The following PLCD3 variants were observed in gnomAD, a reference collection of about 807,000 sequenced individuals.
PLCD3 encodes 1-phosphatidylinositol 4,5-bisphosphate phosphodiesterase delta-3.
PLCD3 carries 62 observed loss-of-function variants against 82.8 expected under a neutral mutation model. The observed-to-expected ratio is 0.75, with a 90% CI of 0.61 to 0.93. PLCD3 has a LOEUF of 0.93. Among genes scored for constraint, PLCD3 ranks in the 40% least tolerant of loss-of-function variants. PLCD3 has a pLI of 0.00. For missense variants in PLCD3, 1,023 were observed against 1,103.4 expected (o/e 0.93, Z 1.03); for synonymous variants, 478 against 471.8 (o/e 1.01, Z -0.17).
Position 45,118,295 on chromosome 17 carries a change from C to A in PLCD3, c.1111G>T (p.Val371Phe). 6.2e-7 allele frequency: 1 copy of A among 1,614,024 alleles called. No individual in the cohort carries two copies. Among genetic ancestry groups the A allele is most frequent in the Non-Finnish European group, 8.5e-7 (1 of 1,179,882 alleles). The change falls in exon 6 of 15, where the codon GTT (valine) becomes TTT (phenylalanine). Residue 371 changes from valine to phenylalanine, a missense_variant. Physicochemically the swap from Val to Phe is conservative, Grantham distance 50. Around this residue, in one of 3 missense-constraint regions of PLCD3, gnomAD observed 553 missense variants for 655.7 expected, o/e 0.84. Coordinates refer to ENST00000619929, the MANE Select transcript of PLCD3 (RefSeq NM_133373.5). This position sits in a 1 kb window ranked among gnomAD's most constrained non-coding sequence, Gnocchi z 4.1. ...IGGPSSTEAY[V>F]RAFAQGCRCV... The stretch of plus-strand genomic sequence containing the variant: ...ATTCACCCCCTGCTACAGTACCTAA[C>A]ATAGGCCTCGGTGCTGCTGGGCCCC...
Position 45,113,152 on chromosome 17 carries a change from G to A in PLCD3, c.2101C>T (p.Arg701Trp), listed in dbSNP as rs199969264. The A allele has an allele frequency of 7.5e-5, 121 of 1,613,194 alleles. No individual in the cohort carries two copies. The highest frequency in any genetic ancestry group is 8.9e-5 in the East Asian group (4 of 44,858). The change falls in exon 13 of 15, where the codon CGG becomes TGG. Residue 701 changes from arginine (R) to tryptophan (W), a missense_variant. By Grantham distance (101) the Arg-to-Trp change is moderately radical. Transcript: ENST00000619929. ...EIHGVPADCA[R>W]QETDYVLNNG... ...TTGAGCACGTAGTCAGTCTCCTGCC[G>A]GGCACAGTCTGCGGGCACCCCATGG...
rs374448727 is a variant in PLCD3 at position 45,124,509 on chromosome 17, C to T, written c.164-3137G>A. 1.2e-4 allele frequency among the ~76,000 whole-genome samples: 19 copies of T among 152,334 alleles called. No individual in the cohort carries two copies. In the East Asian group the frequency reaches 2.1e-3, roughly 17 times the overall value. On this transcript the variant is annotated intron_variant, in intron 1 of 14. Transcript: ENST00000619929. ...GTCCCTGGTTGGGTGCTTCTGTGTC[C>T]CCACTGCTCGTGCTTCTGAACCCTG...
At position 45,116,675 on chromosome 17, in the gene PLCD3, T is replaced by C. The variant is rs2054294281; in HGVS notation, c.1370A>G (p.Gln457Arg). ...CTILGDMLVT[Q>R]ALDSPNPEEL... ...CTCGGGATTTGGGGAGTCCAGCGCC[T>C]GTGTCACCAGCATGTCCCCCAGGAT... Residue 457 changes from glutamine (Q) to arginine (R), a missense_variant, in exon 8 of 15, where the codon CAG becomes CGG. Gln to Arg is a conservative substitution (Grantham distance 43). This residue lies in a region of PLCD3 where 553 missense variants were observed against 655.7 expected (regional missense o/e 0.84). Transcript: ENST00000619929. 2 of 1,609,486 alleles carry C rather than the reference T, an allele frequency of 1.2e-6. No homozygotes were observed. Among genetic ancestry groups the C allele is most frequent in the Non-Finnish European group, 1.7e-6 (2 of 1,177,418 alleles).
At chr17:45,130,633 C>T (rs2054412851) in intron 1 of PLCD3, among the ~76,000 whole-genome samples, 1 of 152,190 alleles carries the variant, frequency 6.6e-6, no homozygotes, top group Non-Finnish European at 1.5e-5. Context: ...TCCTGGGTGT[C>T]CCCCAAGTCT....
At position 45,132,388 on chromosome 17, in the gene PLCD3, C is replaced by A; in HGVS notation, c.23G>T (p.Arg8Leu). 1 of 1,225,078 alleles carries A rather than the reference C, an allele frequency of 8.2e-7. No individual in the cohort carries two copies. The highest frequency in any genetic ancestry group is 1.0e-6 in the Non-Finnish European group (1 of 983,654). 75.9% of individuals were successfully genotyped at this position (1,225,078 alleles called of 1,614,324 possible). The change falls in exon 1 of 15, where the codon CGT becomes CTT. Residue 8 changes from arginine (R) to leucine (L), a missense_variant. By Grantham distance (102) the Arg-to-Leu change is moderately radical (BLOSUM62 -2). Coordinates refer to ENST00000619929, the MANE Select transcript of PLCD3 (RefSeq NM_133373.5). The surrounding 1 kb of genome is among the most constrained non-coding windows in gnomAD (Gnocchi z 4.6). ...GGGCTCCTCGGGCGGGCGGCGGCAA[C>A]GCCTCCAGCGGCCGCACAGCATGGC... MLCGRWR[R>L]CRRPPEEPPV...
intron 1 of PLCD3, among the ~76,000 whole-genome samples, chr17:45,121,939 A>T (rs2054344194): frequency 6.7e-6 from 1 of 150,098 alleles, no homozygotes; most frequent in South Asian, 2.1e-4. Flanking sequence ...CCTAAGCGAC[A>T]GAGTGAGACT....
At chr17:45,114,914 G>T (rs538297866) in intron 10 of PLCD3, among the ~76,000 whole-genome samples, 180 bp downstream of exon 10, 16 of 151,984 alleles carry the variant, frequency 1.1e-4, no homozygotes, top group Non-Finnish European at 1.5e-4. Context: ...CGCCCTCAGC[G>T]TGCCACTCCC....
At chr17:45,128,843 CA>C (rs1196222112) in intron 1 of PLCD3, among the ~76,000 whole-genome samples, 1 of 152,236 alleles carries the variant, frequency 6.6e-6, no homozygotes, top group Non-Finnish European at 1.5e-5. Flanking sequence ...TTTTATTTGG[CA>C]GCCCTGTGAG....
In PLCD3 at chr17:45,113,136, T is replaced by C. The variant is rs1386687086; in HGVS notation, c.2117A>G (p.Tyr706Cys). The stretch of plus-strand genomic sequence containing the variant: ...TGGCTGCCCACCATTGTTGAGCACG[T>C]AGTCAGTCTCCTGCCGGGCACAGTC... ...PADCARQETD[Y>C]VLNNGFNPRW... The change falls in exon 13 of 15, where the codon TAC (tyrosine) becomes TGC (cysteine). Residue 706 changes from tyrosine to cysteine, a missense_variant. Transcript: ENST00000619929. The C allele has an allele frequency of 1.2e-6, 2 of 1,613,552 alleles. No homozygotes were observed. Among genetic ancestry groups the C allele is most frequent in the Non-Finnish European group, 1.7e-6 (2 of 1,179,766 alleles).
chr17:45,114,678 G>A (rs141625843), intron 10 of PLCD3, among the ~76,000 whole-genome samples: 24 of 152,220 alleles, frequency 1.6e-4, no homozygotes, highest in African/African-American at 5.8e-4. Flanking sequence ...CCAGGCCAAG[G>A]CCCCAGGCCT....
Position 45,132,373 on chromosome 17 carries a change from G to A in PLCD3, c.38C>T (p.Pro13Leu). The A allele has an allele frequency of 8.1e-7, 1 of 1,228,160 alleles. No individual in the cohort carries two copies. The highest frequency in any genetic ancestry group is 1.0e-6 in the Non-Finnish European group (1 of 985,544). The allele number at this position is 1,228,160 out of a possible 1,614,324, so 76.1% of individuals were successfully genotyped here. Reference sequence around the variant, plus strand: ...CTGGGCGGCCACCGGGGGCTCCTCGGGCGGGCGGCGGCAACGCCTCCAGCG... The same window carrying A: ...CTGGGCGGCCACCGGGGGCTCCTCGAGCGGGCGGCGGCAACGCCTCCAGCG... ...CGRWRRCRRPPEEPPVAAQVA... is the reference protein window; with the variant it reads ...CGRWRRCRRPLEEPPVAAQVA... The change falls in exon 1 of 15, where the codon CCC becomes CTC. Residue 13 changes from proline to leucine, a missense_variant. Pro to Leu is a moderately conservative substitution (Grantham distance 98). This residue lies in a region of PLCD3 where 22 missense variants were observed against 41.3 expected (regional missense o/e 0.53). Coordinates refer to ENST00000619929, the MANE Select transcript of PLCD3 (RefSeq NM_133373.5). The surrounding 1 kb of genome is among the most constrained non-coding windows in gnomAD (Gnocchi z 4.6).
intron 7 of PLCD3, 36 bp downstream of exon 7, chr17:45,117,958 G>A: frequency 6.2e-7 from 1 of 1,609,552 alleles, no homozygotes; most frequent in South Asian, 1.1e-5. Context: ...CATTGGGAAG[G>A]CTGTGGGGCT....
At chr17:45,124,073 C>T (rs2054363393) in intron 1 of PLCD3, among the ~76,000 whole-genome samples, 1 of 152,012 alleles carries the variant, frequency 6.6e-6, no homozygotes, top group African/African-American at 2.4e-5. Flanking sequence ...TCCTACACCC[C>T]CTTGGCCATG....
rs778349933 is a variant in PLCD3 at position 45,116,733 on chromosome 17, G to C, written c.1312C>G (p.Gln438Glu). 1 of 1,610,094 alleles carries C rather than the reference G, an allele frequency of 6.2e-7. No homozygotes were observed. The highest frequency in any genetic ancestry group is 1.7e-5 in the Admixed American group (1 of 59,736). The change falls in exon 8 of 15, where the codon CAG becomes GAG. Residue 438 changes from glutamine to glutamate, a missense_variant. Physicochemically the swap from Gln to Glu is conservative, Grantham distance 29 (BLOSUM62 2). This residue lies in a region of PLCD3 where 553 missense variants were observed against 655.7 expected (regional missense o/e 0.84). Transcript: ENST00000619929. ...AGGTGGCGGGCCATGGCAGCCTGCT[G>C]CTCCAGCCCGCAGTGGTTCTCCAGG... is the stretch of plus-strand genomic sequence containing the variant. ...LSLENHCGLEQQAAMARHLCT... is the reference protein window; with the variant it reads ...LSLENHCGLEEQAAMARHLCT...
At chr17:45,125,778 C>T (rs780620495) in intron 1 of PLCD3, among the ~76,000 whole-genome samples, 2 of 152,166 alleles carry the variant, frequency 1.3e-5, no homozygotes, top group African/African-American at 2.4e-5. Flanking sequence ...AGACCCCAAA[C>T]GACAAATACT....
chr17:45,112,832 T>C (rs1380115845), intron 14 of PLCD3, 31 bp downstream of exon 14: 2 of 1,609,986 alleles, frequency 1.2e-6, no homozygotes. Context: ...TGGACCCACA[T>C]CCCTCTCCAT....
chr17:45,130,908 A>T lies in PLCD3; in HGVS notation c.163+1340T>A, dbSNP rs12603116. On this transcript the variant is annotated intron_variant, in intron 1 of 14. Coordinates refer to ENST00000619929, the MANE Select transcript of PLCD3 (RefSeq NM_133373.5). ...GGGCCTGCTGGCTCCCCAGCCCCTC[A>T]TGTGCTGCCCCCTGTTCCCCCACCC... Among the ~76,000 whole-genome samples the T allele has an allele frequency of 6.5e-3, 674 of 102,902 alleles. 6 individuals carry two copies. The highest frequency in any genetic ancestry group is 0.035 in the Admixed American group (325 of 9,176). The allele number at this position is 102,902 out of a possible 152,430, so 67.5% of individuals were successfully genotyped here. A position where few individuals can be genotyped will look rare whatever the true frequency, so the allele number is the denominator to read the frequency against.
chr17:45,118,148 G>T lies in PLCD3; in HGVS notation c.1116-10C>A. The T allele has an allele frequency of 1.2e-6, 2 of 1,613,978 alleles. No individual in the cohort carries two copies. The highest frequency in any genetic ancestry group is 1.7e-6 in the Non-Finnish European group (2 of 1,179,892). Reference sequence around the variant, plus strand: ...TCCCTGGGCAAAGGCCCTGTGTGTGGACAGATGGGTGGACGGGCAAGGTGT... The same window carrying T: ...TCCCTGGGCAAAGGCCCTGTGTGTGTACAGATGGGTGGACGGGCAAGGTGT... On this transcript the variant is annotated splice_polypyrimidine_tract_variant and intron_variant, in intron 6 of 14. Coordinates refer to ENST00000619929, the MANE Select transcript of PLCD3 (RefSeq NM_133373.5). This position sits in a 1 kb window ranked among gnomAD's most constrained non-coding sequence, Gnocchi z 4.1.
At chr17:45,124,997 C>A (rs2054370432) in intron 1 of PLCD3, among the ~76,000 whole-genome samples, 1 of 152,190 alleles carries the variant, frequency 6.6e-6, no homozygotes, top group African/African-American at 2.4e-5. Context: ...TCAAGACCAG[C>A]CTGACCAATA....
Sources: allele counts gnomAD v4.1 joint callset (sites outside exome capture counted in the v4.1 genomes callset), GRCh38; gene constraint gnomAD v4.1.1; regional missense constraint gnomAD v4.1.1; non-coding constraint Gnocchi (gnomAD v3.1); transcripts MANE v1.5; gene names NCBI Gene and HGNC (gene_info 2026-07-23, HGNC 2026-07-21).